Variants in NFYA observed in about 807,000 individuals in gnomAD.
The protein encoded by NFYA is CAAT-box DNA binding protein subunit A.
A neutral mutation model predicts 52.8 loss-of-function variants in NFYA; 28 were observed. The ratio of observed to expected loss-of-function variants is 0.53; its 90% confidence interval spans 0.39 to 0.73. NFYA has a LOEUF of 0.73. Ranked by LOEUF, NFYA falls within the 30% of genes least tolerant of loss-of-function variation. The probability of loss-of-function intolerance (pLI) is 0.00; values close to 1 mark genes in which losing one functional copy is unlikely to be tolerated. For missense variants in NFYA, 234 were observed against 427.0 expected (o/e 0.55, Z 3.98); for synonymous variants, 150 against 150.7 (o/e 1.00, Z 0.03).
rs962915803 is a variant in NFYA, at chr6:41,073,709, C to T, written c.-62+625C>T. On this transcript the variant is annotated intron_variant, in intron 1 of 9. Transcript: ENST00000341376. ...GGCTGGCCCGCCCACGCCTCGGAGC[C>T]CTATGGGCCCGCCCCCGCTGTCTCC... 1.9e-4 allele frequency among the ~76,000 whole-genome samples: 29 copies of T among 152,182 alleles called. 1 individual carries two copies. The highest frequency in any genetic ancestry group is 1.7e-3 in the Admixed American group (26 of 15,296).
rs1433257284 is a variant in NFYA at position 41,079,015 on chromosome 6, C to A, written c.-61-14C>A. On this transcript the variant is annotated splice_polypyrimidine_tract_variant and intron_variant, in intron 1 of 9. Coordinates refer to ENST00000341376, the MANE Select transcript of NFYA (RefSeq NM_002505.5). The stretch of plus-strand genomic sequence containing the variant: ...ACAATCTCACTTTAGTTTCTTTCCC[C>A]ACCTTTCTAACAGGAGTGTACCTCA... The A allele has an allele frequency of 2.2e-6, 3 of 1,349,530 alleles. No individual in the cohort carries two copies. Among genetic ancestry groups the A allele is most frequent in the Non-Finnish European group, 3.1e-6 (3 of 952,574 alleles). The allele number at this position is 1,349,530 out of a possible 1,614,324, so 83.6% of individuals were successfully genotyped here.
At chr6:41,079,508 A>G (rs982715174) in intron 2 of NFYA, among the ~76,000 whole-genome samples, 1 of 152,244 alleles carries the variant, frequency 6.6e-6, no homozygotes, top group Non-Finnish European at 1.5e-5. Flanking sequence ...GTCTTTGGCC[A>G]CAACAGACAA....
intron 3 of NFYA, among the ~76,000 whole-genome samples, chr6:41,082,266 G>A (rs372271432): frequency 2.6e-5 from 4 of 152,352 alleles, no homozygotes; most frequent in African/African-American, 9.6e-5. Flanking sequence ...AACTGAGCTT[G>A]TAGGCATTCC....
At chr6:41,097,334 C>A in intron 9 of NFYA, 23 bp from the exon 10 acceptor site, 1 of 1,613,276 alleles carries the variant, frequency 6.2e-7, no homozygotes, top group South Asian at 1.1e-5. Flanking sequence ...GGACTTTAAT[C>A]ATCATGTCAT....
chr6:41,088,520 C>T (rs971802575), intron 4 of NFYA, among the ~76,000 whole-genome samples: 1 of 151,998 alleles, frequency 6.6e-6, no homozygotes, highest in Non-Finnish European at 1.5e-5. Context: ...TCTCAAGGCC[C>T]TTATCAAGGT....
At chr6:41,082,442 T>G (rs980037178) in intron 3 of NFYA, among the ~76,000 whole-genome samples, 3 of 152,246 alleles carry the variant, frequency 2.0e-5, no homozygotes, top group Non-Finnish European at 4.4e-5. Context: ...CATGTGTCTT[T>G]GTAACATTTT....
intron 3 of NFYA, among the ~76,000 whole-genome samples, chr6:41,083,067 T>C (rs1259168455): frequency 6.6e-6 from 1 of 152,252 alleles, no homozygotes; most frequent in African/African-American, 2.4e-5. Context: ...ATGAATATTC[T>C]GTTCTAAGTA....
intron 2 of NFYA, 59 bp downstream of exon 2, chr6:41,079,223 A>C: frequency 6.6e-7 from 1 of 1,510,250 alleles, no homozygotes; most frequent in South Asian, 1.1e-5. Flanking sequence ...AGCACCACTC[A>C]ATTGGTTGGT....
At chr6:41,087,889 G>T (rs62396298) in intron 4 of NFYA, among the ~76,000 whole-genome samples, 11,301 of 152,080 alleles carry the variant, frequency 0.074, 550 homozygotes, top group Middle Eastern at 0.13. Context: ...AAAAAAGAAA[G>T]AAGATAGATT....
intron 7 of NFYA, 93 bp from the exon 8 acceptor site, chr6:41,092,819 A>T: frequency 7.3e-7 from 1 of 1,369,928 alleles, no homozygotes; most frequent in South Asian, 1.4e-5. Context: ...TTTTTGTGGC[A>T]TTTACAAAAA....
At chr6:41,076,465 C>T (rs1279094828) in intron 1 of NFYA, among the ~76,000 whole-genome samples, 1 of 152,158 alleles carries the variant, frequency 6.6e-6, no homozygotes, top group African/African-American at 2.4e-5. Flanking sequence ...AATCCTATGG[C>T]TTTTCATATG....
In NFYA at chr6:41,089,637, AGGGCCAGCAG is replaced by A; in HGVS notation, c.371_380del (p.Gly124AlafsTer64). Reference sequence around the variant, plus strand: ...CAGGGTGGACAGGCTGTGCAGGTGCAGGGCCAGCAGGGCCAGACCCAGCAGATCATCATCC... The same window carrying A: ...CAGGGTGGACAGGCTGTGCAGGTGCAGGCCAGACCCAGCAGATCATCATCC... On this transcript the variant is annotated frameshift_variant, in exon 5 of 10. Coordinates refer to ENST00000341376, the MANE Select transcript of NFYA (RefSeq NM_002505.5). LOFTEE classifies it high-confidence loss of function. The A allele has an allele frequency of 6.2e-7, 1 of 1,612,682 alleles. No individual in the cohort carries two copies. The highest frequency in any genetic ancestry group is 8.5e-7 in the Non-Finnish European group (1 of 1,180,010).
At chr6:41,090,360 C>G (rs1316785175) in intron 6 of NFYA, 51 bp downstream of exon 6, 1 of 1,158,952 alleles carries the variant, frequency 8.6e-7, no homozygotes, top group Non-Finnish European at 1.3e-6. Context: ...ACTTTTTTGT[C>G]CCTTAGACAA....
At chr6:41,093,935 A>C (rs1408203780) in intron 8 of NFYA, among the ~76,000 whole-genome samples, 1 of 152,222 alleles carries the variant, frequency 6.6e-6, no homozygotes, top group African/African-American at 2.4e-5. Context: ...CAGGAGGATC[A>C]CATGAGCCGA....
At chr6:41,093,170 C>A in intron 8 of NFYA, 85 bp downstream of exon 8, 1 of 1,214,428 alleles carries the variant, frequency 8.2e-7, no homozygotes, top group Non-Finnish European at 1.1e-6. Context: ...CTTGTTTTCT[C>A]ACGTACCTTC....
intron 3 of NFYA, among the ~76,000 whole-genome samples, chr6:41,081,933 G>A (rs1415046393): frequency 6.6e-6 from 1 of 152,132 alleles, no homozygotes; most frequent in Non-Finnish European, 1.5e-5. Context: ...GTTCTAATTT[G>A]GCCAGTTCCT....
At position 41,097,514 on chromosome 6, in the gene NFYA, C is replaced by A; in HGVS notation, c.*104C>A. On this transcript the variant is annotated 3_prime_UTR_variant, in exon 10 of 10. Coordinates refer to ENST00000341376, the MANE Select transcript of NFYA (RefSeq NM_002505.5). ...ATTGATGATCACATTCTGCCCTTTA[C>A]TACAGGACAGAAACCACTTAGTTTT... The A allele has an allele frequency of 8.2e-7, 1 of 1,224,392 alleles. No homozygotes were observed. The highest frequency in any genetic ancestry group is 1.2e-6 in the Non-Finnish European group (1 of 848,424). 75.8% of individuals were successfully genotyped at this position (1,224,392 alleles called of 1,614,324 possible). A position where few individuals can be genotyped will look rare whatever the true frequency, so the allele number is the denominator to read the frequency against.
chr6:41,081,711 C>G (rs1038291676), intron 3 of NFYA, among the ~76,000 whole-genome samples: 2 of 150,304 alleles, frequency 1.3e-5, no homozygotes, highest in Admixed American at 6.6e-5. Context: ...TCTTGTTAAT[C>G]TCTTGTTAAC....
chr6:41,086,252 G>C (rs528489695), intron 4 of NFYA, among the ~76,000 whole-genome samples: 1 of 152,108 alleles, frequency 6.6e-6, no homozygotes, highest in South Asian at 2.1e-4. Flanking sequence ...TTCTGATCTT[G>C]GCCAAGTTAT....
Sources: allele counts gnomAD v4.1 joint callset (sites outside exome capture counted in the v4.1 genomes callset), GRCh38; gene constraint gnomAD v4.1.1; transcripts MANE v1.5; gene names NCBI Gene and HGNC (gene_info 2026-07-23, HGNC 2026-07-21).